Variants in RPS6KC1 observed in about 807,000 individuals in gnomAD.
The protein encoded by RPS6KC1 is ribosomal protein S6 kinase C1.
In RPS6KC1, 54 loss-of-function variants were observed where a neutral mutation model predicts 103.8. The observed-to-expected ratio is 0.52, with a 90% CI of 0.42 to 0.65. The LOEUF (loss-of-function observed/expected upper bound fraction) is 0.65, where lower values mean the gene tolerates loss of function less well. Among genes scored for constraint, RPS6KC1 ranks in the 30% least tolerant of loss-of-function variants. RPS6KC1 has a pLI of 0.00. For missense variants in RPS6KC1, 1,151 were observed against 1,253.8 expected, an observed-to-expected ratio of 0.92 and a Z score of 1.24; for synonymous variants, 439 against 438.7, an observed-to-expected ratio of 1.00 and a Z score of -0.01.
chr1:213,677,361 G>A, the RPS6KC1 span, among the ~76,000 whole-genome samples: 4 of 152,226 alleles, frequency 2.6e-5, no homozygotes, highest in East Asian at 1.9e-4. Context: ...AGTTCAGCTC[G>A]GGAGATCCAT....
the RPS6KC1 span, among the ~76,000 whole-genome samples, chr1:213,797,735 T>C: frequency 6.6e-6 from 1 of 152,222 alleles, no homozygotes; most frequent in East Asian, 1.9e-4. Context: ...AGGCTGTGCC[T>C]AGACTCAGAA....
the RPS6KC1 span, among the ~76,000 whole-genome samples, chr1:213,667,354 A>AT: frequency 3.3e-5 from 5 of 152,328 alleles, no homozygotes; most frequent in East Asian, 1.9e-4. Flanking sequence ...AAGCATGCAC[A>AT]TTTTTTGGCT....
At chr1:213,602,189 T>TCTTTCTTTC in the RPS6KC1 span, among the ~76,000 whole-genome samples, 6 of 103,370 alleles carry the variant, frequency 5.8e-5, no homozygotes, top group Middle Eastern at 4.1e-3. Flanking sequence ...TTTCTTTCTT[T>TCTTTCTTTC]TTCCCTCCCT....
chr1:213,475,592 CT>C, the RPS6KC1 span, among the ~76,000 whole-genome samples: 8 of 152,118 alleles, frequency 5.3e-5, no homozygotes. Context: ...AGGAGTGCCC[CT>C]CCCACCCCAC....
At chr1:213,792,517 G>A in the RPS6KC1 span, among the ~76,000 whole-genome samples, 6 of 152,038 alleles carry the variant, frequency 3.9e-5, no homozygotes, top group African/African-American at 1.4e-4. Flanking sequence ...TGAGACATTT[G>A]TTTAAACCCA....
chr1:213,073,324 C>G (rs990747151), intron 2 of RPS6KC1, among the ~76,000 whole-genome samples: 4 of 152,220 alleles, frequency 2.6e-5, no homozygotes, highest in Admixed American at 6.5e-5. Flanking sequence ...AATACGCTAG[C>G]CTTATAAAAT....
At chr1:213,625,999 C>G in the RPS6KC1 span, among the ~76,000 whole-genome samples, 1 of 152,166 alleles carries the variant, frequency 6.6e-6, no homozygotes, top group Non-Finnish European at 1.5e-5. Context: ...CCTAAGGAAT[C>G]GCCACACTGA....
the RPS6KC1 span, among the ~76,000 whole-genome samples, chr1:213,384,302 A>G: frequency 6.6e-6 from 1 of 151,816 alleles, no homozygotes; most frequent in Admixed American, 6.6e-5. Flanking sequence ...ATATATATAA[A>G]TCTCAGCATG....
At chr1:213,705,100 G>T in the RPS6KC1 span, among the ~76,000 whole-genome samples, 1 of 152,230 alleles carries the variant, frequency 6.6e-6, no homozygotes, top group Non-Finnish European at 1.5e-5. Flanking sequence ...TTTGCCCAAG[G>T]CCTGCTGTAA....
chr1:213,238,766 A>T (rs1473871804), intron 10 of RPS6KC1, among the ~76,000 whole-genome samples: 3 of 152,162 alleles, frequency 2.0e-5, no homozygotes, highest in Non-Finnish European at 2.9e-5. Flanking sequence ...GGTACATCTC[A>T]TCATCTGATT....
chr1:213,051,282 G>A lies in RPS6KC1; in HGVS notation c.-123G>A. On this transcript the variant is annotated 5_prime_UTR_variant, in exon 1 of 15. Coordinates refer to ENST00000366960, the MANE Select transcript of RPS6KC1 (RefSeq NM_012424.6). ...TGTGCAGCTGAGGCGCCGCCGTGGA[G>A]CCGCCTTGGAGCCACCGCCCCCTCG... 1.5e-6 allele frequency: 1 copy of A among 669,232 alleles called. No homozygotes were observed. The allele number at this position is 669,232 out of a possible 1,614,324, so 41.5% of individuals were successfully genotyped here. A position where few individuals can be genotyped will look rare whatever the true frequency, so the allele number is the denominator to read the frequency against.
At chr1:213,785,984 G>C in the RPS6KC1 span, among the ~76,000 whole-genome samples, 1 of 152,092 alleles carries the variant, frequency 6.6e-6, no homozygotes, top group Non-Finnish European at 1.5e-5. Context: ...GAAGCCCTTG[G>C]CATCATTCTC....
chr1:213,699,749 G>A, the RPS6KC1 span, among the ~76,000 whole-genome samples: 67,127 of 151,980 alleles, frequency 0.44, 17,563 homozygotes, highest in East Asian at 0.62. Context: ...TTTAACTGGG[G>A]TGAGGTGACA....
At chr1:213,431,015 G>A in the RPS6KC1 span, among the ~76,000 whole-genome samples, 2 of 152,218 alleles carry the variant, frequency 1.3e-5, no homozygotes, top group African/African-American at 4.8e-5. Flanking sequence ...ATGGGTTGGG[G>A]GTGGGGGAGT....
chr1:213,277,482 T>C (rs2095114495), downstream of RPS6KC1, among the ~76,000 whole-genome samples: 2 of 152,206 alleles, frequency 1.3e-5, no homozygotes, highest in Admixed American at 1.3e-4. Context: ...AGCAGAGCAC[T>C]TGGCAGGCAT....
intron 4 of RPS6KC1, among the ~76,000 whole-genome samples, chr1:213,105,842 G>T (rs1228335138): frequency 6.6e-6 from 1 of 152,086 alleles, no homozygotes; most frequent in Non-Finnish European, 1.5e-5. Context: ...CAGGGAGTCT[G>T]TTTTTTATGG....
chr1:213,129,715 G>C lies in RPS6KC1; in HGVS notation c.661G>C (p.Glu221Gln). Reference protein sequence around the residue: ...SEQSKTEEERESRSLFPGSLK... With the variant: ...SEQSKTEEERQSRSLFPGSLK... ...ACAGAGCAAAACAGAAGAAGAACGG[G>C]AAAGTCGTAGCCTCTTTCCTGGCAG... The change falls in exon 6 of 15, where the codon GAA (glutamate) becomes CAA (glutamine). Residue 221 changes from glutamate (E) to glutamine (Q), a missense_variant. Transcript: ENST00000366960. 6.2e-7 allele frequency: 1 copy of C among 1,614,060 alleles called. No individual in the cohort carries two copies. The highest frequency in any genetic ancestry group is 1.1e-5 in the South Asian group (1 of 91,076).
At chr1:213,706,617 T>C in the RPS6KC1 span, among the ~76,000 whole-genome samples, 1,238 of 152,336 alleles carry the variant, frequency 8.1e-3, 19 homozygotes, top group African/African-American at 0.028. Flanking sequence ...GTAACATATG[T>C]ATACATGTGC....
chr1:213,546,658 T>TA, the RPS6KC1 span, among the ~76,000 whole-genome samples: 3 of 151,936 alleles, frequency 2.0e-5, no homozygotes, highest in Non-Finnish European at 2.9e-5. Flanking sequence ...CTGCATTATT[T>TA]TAAAAAAAAA....
Sources: gnomAD v4.1 joint callset for allele counts (sites outside exome capture counted in the v4.1 genomes callset) on GRCh38, gnomAD v4.1.1 for gene constraint, MANE v1.5 for transcripts, NCBI Gene and HGNC (gene_info 2026-07-23, HGNC 2026-07-21) for gene names.